The following PTPRM variants were observed in gnomAD, a reference collection of about 807,000 sequenced individuals.
PTPRM encodes the protein receptor-type tyrosine-protein phosphatase mu.
PTPRM carries 47 observed loss-of-function variants against 186.7 expected under a neutral mutation model. The ratio of observed to expected loss-of-function variants is 0.25; its 90% CI spans 0.20 to 0.32. The LOEUF is 0.32. PTPRM is among the 10% of genes least tolerant of loss of function. The probability of loss-of-function intolerance (pLI) is 1.00; values close to 1 mark genes in which losing one functional copy is unlikely to be tolerated. For missense variants in PTPRM, 1,494 were observed against 1,865.0 expected (o/e 0.80, Z 3.66); for synonymous variants, 668 against 674.9 (o/e 0.99, Z 0.16).
At chr18:8,087,876 G>T (rs549559894) in intron 10 of PTPRM, among the ~76,000 whole-genome samples, 59 of 152,184 alleles carry the variant, frequency 3.9e-4, no homozygotes, top group African/African-American at 1.4e-3. Context: ...AATATGGTAT[G>T]CCCTCCCACA....
intron 1 of PTPRM, chr18:7,751,578 A>G (rs755457773): frequency 6.6e-6 from 1 of 152,178 alleles, no homozygotes; most frequent in Non-Finnish European, 1.5e-5. Context: ...TGGAAAGTCA[A>G]GTTTTTCATG....
intron 2 of PTPRM, among the ~76,000 whole-genome samples, chr18:7,817,227 G>A (rs746468012): frequency 1.3e-5 from 2 of 152,070 alleles, no homozygotes; most frequent in Non-Finnish European, 2.9e-5. Context: ...TGCCCGCCTC[G>A]GCATCCCAAA....
intron 19 of PTPRM, among the ~76,000 whole-genome samples, chr18:8,281,596 C>G (rs1040067937): frequency 9.2e-5 from 14 of 152,118 alleles, no homozygotes; most frequent in African/African-American, 3.4e-4. Context: ...TCAACTCTTT[C>G]CGCAACCCTG....
rs909108687 is a variant in PTPRM, at chr18:8,265,736, A to G, written c.2754+12322A>G. On this transcript the variant is annotated intron_variant, in intron 19 of 32. Coordinates refer to ENST00000580170, the MANE Select transcript of PTPRM (RefSeq NM_001105244.2). ...AGGAATCAGAAGGCAAATGTGGGTCATGGTTCCTCTCTGCGAACTCTCTAA... is the reference window on the plus strand; with the variant it reads ...AGGAATCAGAAGGCAAATGTGGGTCGTGGTTCCTCTCTGCGAACTCTCTAA... Among the ~76,000 whole-genome samples the G allele has an allele frequency of 4.5e-4, 69 of 152,072 alleles. 1 individual carries two copies. Among genetic ancestry groups the G allele is most frequent in the Admixed American group, 2.6e-4 (4 of 15,292 alleles).
At chr18:8,059,163 C>T (rs1315610341) in intron 7 of PTPRM, among the ~76,000 whole-genome samples, 4 of 151,072 alleles carry the variant, frequency 2.6e-5, no homozygotes, top group Non-Finnish European at 5.9e-5. Context: ...TTGAAGAGGT[C>T]CTTCACATCC....
Position 8,394,485 on chromosome 18 carries a change from A to G in PTPRM, c.4218A>G (p.Gly1406=). Residue 1406 remains glycine (G), a synonymous_variant, in exon 32 of 33, where the codon GGA becomes GGG. Transcript: ENST00000580170. The part of the protein sequence containing the change: ...GRTVVHCLNG[G]GRSGTFCAIS... ...ATCTTTTTCACGACAGGAACGGGGG[A>G]GGCCGCAGTGGGACGTTCTGCGCCA... 6.2e-7 allele frequency: 1 copy of G among 1,610,748 alleles called. No homozygotes were observed. Among genetic ancestry groups the G allele is most frequent in the South Asian group, 1.1e-5 (1 of 90,406 alleles).
chr18:8,351,681 A>G lies in PTPRM; in HGVS notation c.3054+8161A>G, dbSNP rs148224244. Among the ~76,000 whole-genome samples the G allele has an allele frequency of 3.1e-3, 473 of 152,272 alleles. 2 individuals carry two copies. Among genetic ancestry groups the G allele is most frequent in the African/African-American group, 0.011 (446 of 41,558 alleles). ...TCTGTTTCTGCTGGAAATAGCAGCA[A>G]TTCCTAAACTAGAATTGCTGTAACT... On this transcript the variant is annotated intron_variant, in intron 23 of 32. Coordinates refer to ENST00000580170, the MANE Select transcript of PTPRM (RefSeq NM_001105244.2).
intron 7 of PTPRM, among the ~76,000 whole-genome samples, chr18:7,993,395 TAACAC>T (rs924360017): frequency 2.0e-5 from 3 of 152,044 alleles, no homozygotes; most frequent in African/African-American, 7.2e-5. Context: ...TGAATATACT[TAACAC>T]ATAAGTCTCC....
intron 2 of PTPRM, among the ~76,000 whole-genome samples, chr18:7,799,333 C>T (rs1376542309): frequency 5.3e-5 from 8 of 152,158 alleles, no homozygotes; most frequent in Non-Finnish European, 1.0e-4. Flanking sequence ...TCCCAAGTGC[C>T]CCCCTTCTTC....
At chr18:8,106,644 G>T (rs1363703250) in intron 11 of PTPRM, among the ~76,000 whole-genome samples, 1 of 152,204 alleles carries the variant, frequency 6.6e-6, no homozygotes, top group Non-Finnish European at 1.5e-5. Context: ...CTTCCCCTGT[G>T]CCTGGAACAA....
intron 13 of PTPRM, among the ~76,000 whole-genome samples, chr18:8,123,341 A>G (rs1452490807): frequency 1.3e-5 from 2 of 152,228 alleles, no homozygotes; most frequent in Non-Finnish European, 2.9e-5. Flanking sequence ...AATGTCCCCT[A>G]ACATTTAAGA....
chr18:7,936,123 G>A (rs1305686363), intron 5 of PTPRM, among the ~76,000 whole-genome samples: 1 of 152,220 alleles, frequency 6.6e-6, no homozygotes, highest in Non-Finnish European at 1.5e-5. Context: ...ACTGGGAACA[G>A]GTAGAAGCCC....
intron 7 of PTPRM, among the ~76,000 whole-genome samples, chr18:8,036,840 G>A (rs953373977): frequency 9.2e-5 from 14 of 152,126 alleles, no homozygotes; most frequent in African/African-American, 3.4e-4. Context: ...TGTTGTTGTG[G>A]CTCAAAGATG....
chr18:7,803,163 C>G (rs1023793909), intron 2 of PTPRM, among the ~76,000 whole-genome samples: 1 of 152,122 alleles, frequency 6.6e-6, no homozygotes, highest in African/African-American at 2.4e-5. Flanking sequence ...CACTTTGTAG[C>G]TTATATTAAG....
intron 14 of PTPRM, among the ~76,000 whole-genome samples, chr18:8,201,322 C>G (rs1283158323): frequency 6.6e-6 from 1 of 151,860 alleles, no homozygotes; most frequent in Non-Finnish European, 1.5e-5. Flanking sequence ...TCTCCAAAAA[C>G]AAAAAAGAAA....
intron 14 of PTPRM, among the ~76,000 whole-genome samples, chr18:8,222,092 A>G (rs2094159984): frequency 1.3e-5 from 2 of 152,214 alleles, no homozygotes; most frequent in African/African-American, 2.4e-5. Context: ...TTGCTCAGTT[A>G]AACTCCATTA....
chr18:8,389,702 C>T (rs1371602967), intron 31 of PTPRM, among the ~76,000 whole-genome samples: 1 of 152,202 alleles, frequency 6.6e-6, no homozygotes, highest in African/African-American at 2.4e-5. Flanking sequence ...AAATCTAAGG[C>T]TTTTTTTAGC....
chr18:7,606,746 G>T (rs553763689), intron 1 of PTPRM, among the ~76,000 whole-genome samples: 1 of 152,256 alleles, frequency 6.6e-6, no homozygotes, highest in African/African-American at 2.4e-5. Flanking sequence ...TATCTTTCTA[G>T]TTCATAACCT....
chr18:8,348,351 G>T (rs1039198375), intron 23 of PTPRM, among the ~76,000 whole-genome samples: 6 of 152,236 alleles, frequency 3.9e-5, no homozygotes, highest in Admixed American at 3.9e-4. Context: ...AGCACCTGGT[G>T]CAGAAGACAT....
Sources: gnomAD v4.1 joint callset for allele counts (sites outside exome capture counted in the v4.1 genomes callset) on GRCh38, gnomAD v4.1.1 for gene constraint, MANE v1.5 for transcripts, NCBI Gene and HGNC (gene_info 2026-07-23, HGNC 2026-07-21) for gene names.